The following EVI5 variants were observed in gnomAD, a reference collection of about 807,000 sequenced individuals.
EVI5 encodes ecotropic viral integration site 5 protein homolog.
A neutral mutation model predicts 112.0 loss-of-function variants in EVI5; 73 were observed. That is an observed-to-expected ratio of 0.65 (90% confidence interval 0.54 to 0.79). The LOEUF (loss-of-function observed/expected upper bound fraction) is 0.79. EVI5 is among the 30% of genes least tolerant of loss of function. The probability of loss-of-function intolerance (pLI) is 0.00; values close to 1 mark genes in which losing one functional copy is unlikely to be tolerated. For missense variants in EVI5, 900 were observed against 968.8 expected, an observed-to-expected ratio of 0.93 and a Z score of 0.94; for synonymous variants, 305 against 319.9, an observed-to-expected ratio of 0.95 and a Z score of 0.50.
intron 1 of EVI5, among the ~76,000 whole-genome samples, chr1:92,772,798 C>A (rs751780935): frequency 6.7e-6 from 1 of 150,136 alleles, no homozygotes; most frequent in Non-Finnish European, 1.5e-5. Context: ...CCCAGCTACT[C>A]GGGAGGCTGA....
intron 10 of EVI5, among the ~76,000 whole-genome samples, chr1:92,670,891 A>G (rs528464546): frequency 5.3e-5 from 8 of 152,286 alleles, no homozygotes; most frequent in Admixed American, 1.3e-4. Context: ...TTAACTACTC[A>G]TGCTAGCATA....
rs183530743 is a variant in EVI5, at chr1:92,676,236, A to T, written c.1158+922T>A. 2.8e-3 allele frequency among the ~76,000 whole-genome samples: 429 copies of T among 152,218 alleles called. 3 individuals are homozygous for T. The highest frequency in any genetic ancestry group is 9.1e-3 in the African/African-American group (379 of 41,526). On this transcript the variant is annotated intron_variant, in intron 10 of 19. Coordinates refer to ENST00000684568, the MANE Select transcript of EVI5 (RefSeq NM_001350197.2). ...GCTTTTGAGGAGGACCAAGGCAGGA[A>T]AGAGTATTAGTTTAACAGAACCCAT...
At chr1:92,766,114 T>C (rs1570854704) in intron 1 of EVI5, among the ~76,000 whole-genome samples, 1 of 145,848 alleles carries the variant, frequency 6.9e-6, no homozygotes, top group Non-Finnish European at 1.5e-5. Flanking sequence ...ATAATAATAA[T>C]AATAATAATA....
chr1:92,790,845 A>C (rs543166814), intron 1 of EVI5, among the ~76,000 whole-genome samples: 1 of 152,176 alleles, frequency 6.6e-6, no homozygotes, highest in East Asian at 1.9e-4. Context: ...AAAGGAAAGA[A>C]TAGCTTTAAC....
intron 9 of EVI5, among the ~76,000 whole-genome samples, chr1:92,693,551 T>TGAACCCGGGAAGCGGAGCTTGCAGTGAGC (rs1558086210): frequency 6.6e-6 from 1 of 152,174 alleles, no homozygotes; most frequent in South Asian, 2.1e-4. Flanking sequence ...AACAGCATCC[T>TGAACCCGGGAAGCGGAGCTTGCAGTGAGC]CATATATGTA....
intron 13 of EVI5, among the ~76,000 whole-genome samples, chr1:92,656,341 AAC>A (rs1662990706): frequency 6.6e-6 from 1 of 152,122 alleles, no homozygotes; most frequent in Non-Finnish European, 1.5e-5. Flanking sequence ...ACTTTTTTGA[AAC>A]AAATGAACAT....
chr1:92,559,201 TAGATGTTCAGTACAGATAC>T (rs1668136585), intron 19 of EVI5, among the ~76,000 whole-genome samples: 1 of 152,202 alleles, frequency 6.6e-6, no homozygotes, highest in African/African-American at 2.4e-5. Flanking sequence ...ATAAAATTTG[TAGATGTTCAGTACAGATAC>T]AGATGCAATA....
chr1:92,775,391 C>T (rs1683978174), intron 1 of EVI5, among the ~76,000 whole-genome samples: 1 of 150,792 alleles, frequency 6.6e-6, no homozygotes, highest in Non-Finnish European at 1.5e-5. Flanking sequence ...AGCGCCACTG[C>T]ACTCCAGCCT....
At chr1:92,636,369 G>A (rs1160725063) in intron 13 of EVI5, 33 bp from the exon 14 acceptor site, 28 of 1,591,098 alleles carry the variant, frequency 1.8e-5, no homozygotes, top group Non-Finnish European at 2.4e-5. Flanking sequence ...GAAATTTCAT[G>A]AAAGTATAAA....
At chr1:92,719,765 T>C (rs1052690835) in intron 2 of EVI5, among the ~76,000 whole-genome samples, 1 of 152,058 alleles carries the variant, frequency 6.6e-6, no homozygotes, top group Non-Finnish European at 1.5e-5. Context: ...TTGCTCCTGT[T>C]TGCAGATGAC....
rs1659241389 is a variant in EVI5, at chr1:92,512,419, C to T, written c.*1237G>A. 1 of 152,196 alleles carries T rather than the reference C, an allele frequency of 6.6e-6. No individual in the cohort carries two copies. Among genetic ancestry groups the T allele is most frequent in the African/African-American group, 2.4e-5 (1 of 41,438 alleles). 9.4% of individuals were successfully genotyped at this position (152,196 alleles called of 1,614,324 possible). On this transcript the variant is annotated 3_prime_UTR_variant, in exon 20 of 20. Coordinates refer to ENST00000684568, the MANE Select transcript of EVI5 (RefSeq NM_001350197.2). ...TCCACCAACAGTGTTTTTGAACAGG[C>T]ATCAGTTATGAATCTGCTAGTATTG...
chr1:92,518,189 T>C (rs1660275497), intron 19 of EVI5, among the ~76,000 whole-genome samples: 1 of 152,172 alleles, frequency 6.6e-6, no homozygotes, highest in African/African-American at 2.4e-5. Flanking sequence ...TGAACCATCA[T>C]GACTGGCAAA....
At chr1:92,622,223 C>A in intron 16 of EVI5, 1 of 339,342 alleles carries the variant, frequency 2.9e-6, no homozygotes, top group Non-Finnish European at 5.9e-6. Flanking sequence ...ACAGCACAAA[C>A]ATGTTTTTAG....
chr1:92,731,758 A>G (rs944920557), intron 2 of EVI5, among the ~76,000 whole-genome samples: 13 of 152,238 alleles, frequency 8.5e-5, no homozygotes, highest in African/African-American at 3.1e-4. Flanking sequence ...CAGACAACTG[A>G]TATCTGACAA....
At chr1:92,526,677 G>C (rs967317717) in intron 19 of EVI5, among the ~76,000 whole-genome samples, 1 of 152,240 alleles carries the variant, frequency 6.6e-6, no homozygotes, top group Non-Finnish European at 1.5e-5. Context: ...GTAAGCAGTG[G>C]TTGCAGGAGT....
intron 19 of EVI5, among the ~76,000 whole-genome samples, chr1:92,547,939 T>C (rs1394605099): frequency 6.6e-6 from 1 of 152,194 alleles, no homozygotes; most frequent in Non-Finnish European, 1.5e-5. Flanking sequence ...CTGGTACCAT[T>C]CCTTCTGAAA....
intron 19 of EVI5, among the ~76,000 whole-genome samples, chr1:92,556,092 CT>C (rs1450015049): frequency 1.4e-5 from 2 of 139,670 alleles, no homozygotes; most frequent in African/African-American, 2.6e-5. Flanking sequence ...GAGATGAAGT[CT>C]TGTTCTGTCC....
chr1:92,742,494 G>A lies in EVI5; in HGVS notation c.-81-5867C>T, dbSNP rs186215277. ...TCGAGACCAGCCTGGCCAACATGGAGAAACCCCATCTCTACTAAAAATACA... is the reference window on the plus strand; with the variant it reads ...TCGAGACCAGCCTGGCCAACATGGAAAAACCCCATCTCTACTAAAAATACA... On this transcript the variant is annotated intron_variant, in intron 1 of 19. Transcript: ENST00000684568. Among the ~76,000 whole-genome samples the A allele has an allele frequency of 4.3e-3, 653 of 151,750 alleles. 5 individuals carry two copies. The highest frequency in any genetic ancestry group is 0.013 in the South Asian group (61 of 4,788).
intron 1 of EVI5, among the ~76,000 whole-genome samples, chr1:92,764,547 T>TA (rs1348886245): frequency 1.3e-5 from 2 of 152,204 alleles, no homozygotes; most frequent in African/African-American, 4.8e-5. Context: ...CAGCTGGTGA[T>TA]ACTGATTACC....
Sources: gnomAD v4.1 joint callset for allele counts (sites outside exome capture counted in the v4.1 genomes callset) on GRCh38, gnomAD v4.1.1 for gene constraint, MANE v1.5 for transcripts, NCBI Gene and HGNC (gene_info 2026-07-23, HGNC 2026-07-21) for gene names.